TTLL5: variants seen among roughly 807,000 people sequenced by gnomAD.
TTLL5 encodes the protein tubulin tyrosine ligase like 5.
A neutral mutation model predicts 168.4 loss-of-function variants in TTLL5; 132 were observed. The observed-to-expected ratio is 0.78, with a 90% CI of 0.68 to 0.91. The LOEUF is 0.91. TTLL5 is among the 40% of genes least tolerant of loss of function. The pLI, the probability that TTLL5 is intolerant of heterozygous loss-of-function variation, is 0.00. For missense variants in TTLL5, 1,545 were observed against 1,581.5 expected, an observed-to-expected ratio of 0.98 and a Z score of 0.39; for synonymous variants, 546 against 558.6, an observed-to-expected ratio of 0.98 and a Z score of 0.32.
chr14:75,742,292 C>G (rs1889325446), intron 15 of TTLL5, among the ~76,000 whole-genome samples: 1 of 152,276 alleles, frequency 6.6e-6, no homozygotes, highest in South Asian at 2.1e-4. Flanking sequence ...CTGTTTCTTA[C>G]TCTCTCTTTA....
At chr14:75,865,092 A>G (rs1343611804) in intron 29 of TTLL5, among the ~76,000 whole-genome samples, 1 of 152,196 alleles carries the variant, frequency 6.6e-6, no homozygotes, top group Non-Finnish European at 1.5e-5. Context: ...CTGGAGAAAA[A>G]TAAAATCTCT....
At chr14:75,855,150 G>GAAAAAAAAAAAAAAAAAA (rs55874311) in intron 28 of TTLL5, among the ~76,000 whole-genome samples, 1 of 130,498 alleles carries the variant, frequency 7.7e-6, no homozygotes, top group Non-Finnish European at 1.6e-5. Context: ...TATGCTAGAA[G>GAAAAAAAAAAAAAAAAAA]AAAAAAAAAA....
At chr14:75,718,168 C>T (rs991066292) in intron 10 of TTLL5, among the ~76,000 whole-genome samples, 2 of 152,236 alleles carry the variant, frequency 1.3e-5, no homozygotes, top group African/African-American at 4.8e-5. Context: ...TGTCACCTTT[C>T]TCTACCAAAA....
At chr14:75,702,573 T>C (rs1886349579) in intron 7 of TTLL5, among the ~76,000 whole-genome samples, 1 of 152,200 alleles carries the variant, frequency 6.6e-6, no homozygotes, top group Non-Finnish European at 1.5e-5. Flanking sequence ...GCTAGCATCA[T>C]AAAGGATAGA....
At chr14:75,679,256 A>T (rs2140112344) in intron 3 of TTLL5, among the ~76,000 whole-genome samples, 1 of 151,896 alleles carries the variant, frequency 6.6e-6, no homozygotes, top group African/African-American at 2.4e-5. Context: ...AAGTGGGAGA[A>T]GGAGGTAGAA....
intron 7 of TTLL5, among the ~76,000 whole-genome samples, chr14:75,705,290 G>A (rs542408789): frequency 1.3e-5 from 2 of 152,298 alleles, no homozygotes; most frequent in Admixed American, 1.3e-4. Context: ...ACTGAGAGAG[G>A]ACTCTCATTC....
chr14:75,724,487 A>G (rs940873766), intron 12 of TTLL5, among the ~76,000 whole-genome samples: 2 of 152,150 alleles, frequency 1.3e-5, no homozygotes, highest in Admixed American at 6.5e-5. Context: ...TATACAAACT[A>G]CCCGAAACTT....
At chr14:75,877,142 G>A (rs1047221044) in intron 29 of TTLL5, among the ~76,000 whole-genome samples, 18 of 152,078 alleles carry the variant, frequency 1.2e-4, no homozygotes, top group African/African-American at 3.9e-4. Flanking sequence ...AGAGAGTAGC[G>A]TTTGCCTACT....
At chr14:75,899,946 T>C (rs867646977) in intron 30 of TTLL5, among the ~76,000 whole-genome samples, 2 of 152,018 alleles carry the variant, frequency 1.3e-5, no homozygotes, top group Middle Eastern at 3.4e-3. Context: ...CCCTTTTTTT[T>C]TTTTTTTTTT....
chr14:75,773,957 AAGAGAGAG>A (rs1166420551), intron 21 of TTLL5, among the ~76,000 whole-genome samples: 450 of 43,242 alleles, frequency 0.01, 3 homozygotes, highest in East Asian at 0.025. Flanking sequence ...GAGAGAGAGA[AAGAGAGAG>A]AGAGAGAGAG....
intron 31 of TTLL5, among the ~76,000 whole-genome samples, chr14:75,937,061 T>C (rs771572831): frequency 6.6e-6 from 1 of 152,168 alleles, no homozygotes; most frequent in Non-Finnish European, 1.5e-5. Flanking sequence ...TGGTGAAATA[T>C]ATGTAACATA....
intron 28 of TTLL5, among the ~76,000 whole-genome samples, chr14:75,845,139 T>A (rs1340821234): frequency 6.6e-6 from 1 of 152,258 alleles, no homozygotes; most frequent in Non-Finnish European, 1.5e-5. Flanking sequence ...TTCCCTTCTC[T>A]TGTTTTCTAA....
chr14:75,887,310 T>A, intron 30 of TTLL5: 1 of 985,296 alleles, frequency 1.0e-6, no homozygotes, highest in Non-Finnish European at 1.2e-6. Flanking sequence ...AAATGTTATA[T>A]CTTTTTAACA....
chr14:75,733,719 C>A (rs963222272), intron 13 of TTLL5, among the ~76,000 whole-genome samples: 1 of 152,096 alleles, frequency 6.6e-6, no homozygotes, highest in Non-Finnish European at 1.5e-5. Flanking sequence ...TTGAATTGCA[C>A]AAGACCTTCT....
intron 12 of TTLL5, among the ~76,000 whole-genome samples, chr14:75,730,772 T>G (rs1301106171): frequency 6.6e-6 from 1 of 151,026 alleles, no homozygotes; most frequent in East Asian, 1.9e-4. Context: ...CAGGCTGGAG[T>G]GCAGTGGTGC....
chr14:75,934,917 G>A (rs1023358211), intron 31 of TTLL5, among the ~76,000 whole-genome samples: 16 of 152,302 alleles, frequency 1.1e-4, no homozygotes, highest in African/African-American at 3.6e-4. Context: ...ATCCGGTGAA[G>A]AGTAAGAAAA....
intron 6 of TTLL5, 84 bp downstream of exon 6, chr14:75,690,406 C>T (rs910230202): frequency 2.0e-5 from 29 of 1,479,526 alleles, no homozygotes; most frequent in Non-Finnish European, 2.5e-5. Flanking sequence ...AAGGTGTCAA[C>T]CAATCAGGGC....
At chr14:75,900,074 T>C (rs1341883964) in intron 30 of TTLL5, among the ~76,000 whole-genome samples, 2 of 152,112 alleles carry the variant, frequency 1.3e-5, no homozygotes, top group Non-Finnish European at 2.9e-5. Flanking sequence ...AAAGAGCTTA[T>C]CTTAGGCCCT....
chr14:75,902,535 C>T (rs1257001104), intron 31 of TTLL5: 6 of 529,262 alleles, frequency 1.1e-5, no homozygotes, highest in South Asian at 3.1e-5. Context: ...GTTGTATTTC[C>T]GCATGTTGTA....
Sources: allele counts gnomAD v4.1 joint callset (sites outside exome capture counted in the v4.1 genomes callset), GRCh38; gene constraint gnomAD v4.1.1; transcripts MANE v1.5; gene names NCBI Gene and HGNC (gene_info 2026-07-23, HGNC 2026-07-21).